ADAMTS20: variants seen among roughly 807,000 people sequenced by gnomAD.
ADAMTS20 encodes A disintegrin and metalloproteinase with thrombospondin motifs 20.
ADAMTS20 carries 225 observed loss-of-function variants against 260.1 expected under a neutral mutation model. That is an observed-to-expected ratio of 0.87 (90% CI 0.78 to 0.97). The LOEUF (loss-of-function observed/expected upper bound fraction) is 0.97, where lower values mean the gene tolerates loss of function less well. ADAMTS20 is among the 50% of genes least tolerant of loss of function. ADAMTS20 has a pLI of 0.00. For synonymous variants in ADAMTS20, 802 were observed against 769.5 expected, an observed-to-expected ratio of 1.04 and a Z score of -0.70; for missense variants, 2,400 against 2,337.7, an observed-to-expected ratio of 1.03 and a Z score of -0.55.
intron 36 of ADAMTS20, among the ~76,000 whole-genome samples, chr12:43,371,119 T>A (rs1241445124): frequency 1.3e-5 from 2 of 152,292 alleles, no homozygotes; most frequent in South Asian, 4.1e-4. Context: ...TAAGCTACCA[T>A]CCCCCAACCT....
At chr12:43,500,051 G>A (rs1043852881) in intron 4 of ADAMTS20, among the ~76,000 whole-genome samples, 1 of 147,972 alleles carries the variant, frequency 6.8e-6, no homozygotes, top group African/African-American at 2.5e-5. Context: ...TTTTTTGAGA[G>A]AGAGTCTCAG....
intron 2 of ADAMTS20, among the ~76,000 whole-genome samples, chr12:43,541,395 G>A (rs1943374844): frequency 6.6e-6 from 1 of 152,090 alleles, no homozygotes; most frequent in Non-Finnish European, 1.5e-5. Flanking sequence ...GTTAATGTGT[G>A]TTTAAGTGAT....
chr12:43,478,107 T>C (rs1490043537), intron 7 of ADAMTS20, among the ~76,000 whole-genome samples: 6 of 152,140 alleles, frequency 3.9e-5, no homozygotes, highest in African/African-American at 1.4e-4. Context: ...ATACGTAATA[T>C]AAAATTATTC....
chr12:43,540,990 AT>A (rs923317239), intron 2 of ADAMTS20, among the ~76,000 whole-genome samples: 2 of 152,118 alleles, frequency 1.3e-5, no homozygotes, highest in Non-Finnish European at 2.9e-5. Flanking sequence ...TCATCCATAT[AT>A]TTTTTTCAAA....
intron 37 of ADAMTS20, among the ~76,000 whole-genome samples, chr12:43,365,368 T>C (rs974897281): frequency 1.3e-5 from 2 of 152,066 alleles, no homozygotes; most frequent in African/African-American, 4.8e-5. Flanking sequence ...TACGCTATAA[T>C]TGCATATCTC....
chr12:43,493,893 T>C lies in ADAMTS20; in HGVS notation c.868-640A>G, dbSNP rs1470417171. 4.6e-5 allele frequency among the ~76,000 whole-genome samples: 7 copies of C among 152,336 alleles called. No homozygotes were observed. The South Asian group carries it at 1.0e-3, about 23-fold the overall frequency. On this transcript the variant is annotated intron_variant, in intron 4 of 38. Transcript: ENST00000389420. ...ATATAAACAGCCCTAGAAGAGGTCATGAGTCACAACCTGGTCCTCAATTTT... is the reference window on the plus strand; with the variant it reads ...ATATAAACAGCCCTAGAAGAGGTCACGAGTCACAACCTGGTCCTCAATTTT...
At chr12:43,514,701 T>G (rs894799705) in intron 3 of ADAMTS20, among the ~76,000 whole-genome samples, 1 of 151,852 alleles carries the variant, frequency 6.6e-6, no homozygotes, top group Non-Finnish European at 1.5e-5. Context: ...TGGATTATTA[T>G]ATGTATAGCA....
chr12:43,427,490 A>C, intron 26 of ADAMTS20, 21 bp from the exon 27 acceptor site: 1 of 1,581,696 alleles, frequency 6.3e-7, no homozygotes, highest in Non-Finnish European at 8.6e-7. Context: ...TAAAACACAA[A>C]ATATGCACAA....
intron 14 of ADAMTS20, among the ~76,000 whole-genome samples, chr12:43,451,120 A>G (rs1252266206): frequency 1.3e-5 from 2 of 152,214 alleles, no homozygotes; most frequent in African/African-American, 4.8e-5. Flanking sequence ...AAACCTTGCC[A>G]TTTGTGACAA....
intron 2 of ADAMTS20, among the ~76,000 whole-genome samples, chr12:43,539,013 C>T (rs534551923): frequency 3.5e-5 from 5 of 143,992 alleles, no homozygotes; most frequent in African/African-American, 1.1e-4. Flanking sequence ...AGTGCAGTGG[C>T]GTGATCTTAG....
At chr12:43,501,443 A>G (rs1306217119) in intron 4 of ADAMTS20, among the ~76,000 whole-genome samples, 10 of 134,946 alleles carry the variant, frequency 7.4e-5, no homozygotes, top group Non-Finnish European at 1.5e-4. Flanking sequence ...GGAATGTCCC[A>G]GGGTGGTGGA....
chr12:43,373,652 A>G (rs1190608274), intron 36 of ADAMTS20, among the ~76,000 whole-genome samples: 1 of 144,902 alleles, frequency 6.9e-6, no homozygotes, highest in Non-Finnish European at 1.5e-5. Flanking sequence ...ATGACTAGAT[A>G]TGTTAGAAAT....
chr12:43,356,435 C>G (rs1035623035), intron 38 of ADAMTS20, 49 bp downstream of exon 38: 5 of 1,247,078 alleles, frequency 4.0e-6, no homozygotes, highest in Non-Finnish European at 5.7e-6. Context: ...AATGCTAGTT[C>G]ATAGCTCAGA....
chr12:43,384,034 AAGT>A, intron 29 of ADAMTS20, 57 bp from the exon 30 acceptor site: 1 of 1,487,236 alleles, frequency 6.7e-7, no homozygotes. Flanking sequence ...AATTATATAA[AAGT>A]AGCCAATGGA....
rs765764538 is a variant in ADAMTS20 at position 43,432,808 on chromosome 12, C to A, written c.2724G>T (p.Trp908Cys). The A allele has an allele frequency of 2.5e-6, 4 of 1,611,330 alleles. No individual in the cohort carries two copies. The highest frequency in any genetic ancestry group is 2.2e-5 in the East Asian group (1 of 44,852). Residue 908 changes from tryptophan (W) to cysteine (C), a missense_variant, in exon 20 of 39, where the codon TGG (tryptophan) becomes TGT (cysteine). By Grantham distance (215) the Trp-to-Cys change is radical. Transcript: ENST00000389420. ...AACATTCACTTTTGCCAATAACATGCCACCTTGAAAAAAGATGTTACTATA... is the reference window on the plus strand; with the variant it reads ...AACATTCACTTTTGCCAATAACATGACACCTTGAAAAAAGATGTTACTATA... ...QSCNTDCELRWHVIGKSECSS... is the reference protein window; with the variant it reads ...QSCNTDCELRCHVIGKSECSS...
chr12:43,477,468 G>A (rs1942376609), intron 7 of ADAMTS20, among the ~76,000 whole-genome samples: 1 of 152,142 alleles, frequency 6.6e-6, no homozygotes, highest in Admixed American at 6.6e-5. Flanking sequence ...AGAGCAACAA[G>A]TGCCTATTTC....
intron 28 of ADAMTS20, among the ~76,000 whole-genome samples, chr12:43,420,999 G>T (rs1941222294): frequency 6.6e-6 from 1 of 150,604 alleles, no homozygotes; most frequent in African/African-American, 2.4e-5. Context: ...GTAGAGACGG[G>T]GGTTTCACCA....
chr12:43,522,052 G>A (rs755360061), intron 3 of ADAMTS20, among the ~76,000 whole-genome samples: 4 of 152,126 alleles, frequency 2.6e-5, no homozygotes, highest in South Asian at 2.1e-4. Flanking sequence ...GTATTAGTTC[G>A]TTCTCACGCT....
chr12:43,426,850 T>A (rs1024352548), intron 27 of ADAMTS20, among the ~76,000 whole-genome samples: 5 of 152,182 alleles, frequency 3.3e-5, no homozygotes, highest in Non-Finnish European at 7.4e-5. Context: ...ATCTAGAATA[T>A]GCATTTTTTA....
Sources: allele counts gnomAD v4.1 joint callset (sites outside exome capture counted in the v4.1 genomes callset), GRCh38; gene constraint gnomAD v4.1.1; transcripts MANE v1.5; gene names NCBI Gene and HGNC (gene_info 2026-07-23, HGNC 2026-07-21).